The following MAP3K1 variants were observed in gnomAD, a reference collection of about 807,000 sequenced individuals.
MAP3K1 encodes mitogen-activated protein kinase kinase kinase 1, also known as MAP/ERK kinase kinase 1.
MAP3K1 carries 36 observed loss-of-function variants against 144.2 expected under a neutral mutation model. The observed-to-expected ratio is 0.25, with a 90% confidence interval of 0.19 to 0.33. The LOEUF (loss-of-function observed/expected upper bound fraction) is 0.33. Ranked by LOEUF, MAP3K1 falls within the 10% of genes least tolerant of loss-of-function variation. MAP3K1 has a pLI of 1.00. For synonymous variants in MAP3K1, 718 were observed against 688.7 expected (o/e 1.04, Z -0.67); for missense variants, 1,650 against 1,881.9 (o/e 0.88, Z 2.28).
intron 1 of MAP3K1, among the ~76,000 whole-genome samples, chr5:56,837,150 T>C (rs1746679566): frequency 6.6e-6 from 1 of 151,246 alleles, no homozygotes; most frequent in African/African-American, 2.4e-5. Flanking sequence ...CTAGTTCCCT[T>C]TCTTCCTCTT....
At chr5:56,818,800 C>A (rs1488281395) in intron 1 of MAP3K1, among the ~76,000 whole-genome samples, 1 of 152,166 alleles carries the variant, frequency 6.6e-6, no homozygotes, top group African/African-American at 2.4e-5. Context: ...CGTGAAAGAA[C>A]AAGATATGCT....
intron 16 of MAP3K1, 138 bp from the exon 17 acceptor site, chr5:56,885,794 T>A: frequency 4.2e-6 from 3 of 708,232 alleles, no homozygotes; most frequent in Non-Finnish European, 7.3e-6. Flanking sequence ...GATACAGGAA[T>A]ATGTTAGTTT....
At chr5:56,827,355 C>T (rs1746350891) in intron 1 of MAP3K1, among the ~76,000 whole-genome samples, 1 of 152,176 alleles carries the variant, frequency 6.6e-6, no homozygotes, top group African/African-American at 2.4e-5. Flanking sequence ...GGTCAGGAGG[C>T]CCCAAGAAGG....
intron 18 of MAP3K1, 100 bp downstream of exon 18, chr5:56,887,620 C>A (rs1256492114): frequency 7.8e-6 from 10 of 1,279,186 alleles, no homozygotes; most frequent in Admixed American, 5.0e-5. Context: ...TATGTACTTA[C>A]CAACTAGAAG....
chr5:56,891,156 C>CA (rs1748539767), intron 19 of MAP3K1, among the ~76,000 whole-genome samples: 5 of 132,840 alleles, frequency 3.8e-5, no homozygotes, highest in African/African-American at 1.4e-4. Flanking sequence ...ACACCCCCCC[C>CA]CCCCACACAC....
chr5:56,888,107 C>G, intron 18 of MAP3K1, 119 bp from the exon 19 acceptor site: 1 of 859,988 alleles, frequency 1.2e-6, no homozygotes, highest in South Asian at 1.4e-5. Context: ...AGGTAGTCCA[C>G]AGAATTCCTG....
chr5:56,831,424 TGA>T (rs1442967562), intron 1 of MAP3K1, among the ~76,000 whole-genome samples: 1 of 152,162 alleles, frequency 6.6e-6, no homozygotes, highest in Non-Finnish European at 1.5e-5. Context: ...GCAGATTCTA[TGA>T]GAGACGAAGA....
chr5:56,842,072 A>AT (rs1046739113), intron 1 of MAP3K1: 1 of 152,174 alleles, frequency 6.6e-6, no homozygotes, highest in African/African-American at 2.4e-5. Context: ...TTGGATGTGT[A>AT]TTTTTTAAAG....
Position 56,815,827 on chromosome 5 carries a change from C to A in MAP3K1, c.254C>A (p.Pro85Gln). The change falls in exon 1 of 20, where the codon CCG (proline) becomes CAG (glutamine). Residue 85 changes from proline to glutamine, a missense_variant. Transcript: ENST00000399503. ...EQPLFLAASP[P>Q]ASSTSPSPEP... is the part of the protein sequence containing the mutation. The stretch of plus-strand genomic sequence containing the variant: ...CCGCTCTTCCTTGCCGCCTCACCGC[C>A]GGCCTCCTCGACTTCCCCGTCGCCG... The A allele has an allele frequency of 1.4e-6, 2 of 1,416,898 alleles. No homozygotes were observed. The highest frequency in any genetic ancestry group is 1.8e-6 in the Non-Finnish European group (2 of 1,081,780). The allele number at this position is 1,416,898 out of a possible 1,614,324, so 87.8% of individuals were successfully genotyped here. A position where few individuals can be genotyped will look rare whatever the true frequency, so the allele number is the denominator to read the frequency against.
chr5:56,865,600 CTCA>C (rs1211692757), intron 5 of MAP3K1, 144 bp downstream of exon 5: 1 of 687,118 alleles, frequency 1.5e-6, no homozygotes, highest in Admixed American at 2.6e-5. Flanking sequence ...ATAAATAGTT[CTCA>C]TGAGATATTT....
At chr5:56,843,647 C>T (rs1746884911) in intron 1 of MAP3K1, among the ~76,000 whole-genome samples, 1 of 152,150 alleles carries the variant, frequency 6.6e-6, no homozygotes, top group African/African-American at 2.4e-5. Context: ...ACTCTGGCCT[C>T]TGCTAGTGGT....
intron 17 of MAP3K1, 99 bp downstream of exon 17, chr5:56,886,162 G>A (rs1748373182): frequency 2.1e-6 from 2 of 948,072 alleles, no homozygotes; most frequent in Non-Finnish European, 3.3e-6. Flanking sequence ...CCAGTACTTT[G>A]GGAGGTGAAG....
In MAP3K1 at chr5:56,858,628, T is replaced by A. The variant is rs1747409991; in HGVS notation, c.634-1087T>A. ...AACATAAAGGGTAAATATCTCCAAATGGGAAAATTAGACTTATACATAATA... is the reference window on the plus strand; with the variant it reads ...AACATAAAGGGTAAATATCTCCAAAAGGGAAAATTAGACTTATACATAATA... On this transcript the variant is annotated intron_variant, in intron 2 of 19. Coordinates refer to ENST00000399503, the MANE Select transcript of MAP3K1 (RefSeq NM_005921.2). Among the ~76,000 whole-genome samples the A allele has an allele frequency of 3.3e-5, 5 of 152,172 alleles. 1 individual carries two copies. The South Asian group carries it at 1.0e-3, about 32-fold the overall frequency.
chr5:56,832,382 C>T (rs1287427434), intron 1 of MAP3K1, among the ~76,000 whole-genome samples: 2 of 152,230 alleles, frequency 1.3e-5, no homozygotes, highest in Admixed American at 6.5e-5. Flanking sequence ...TCCTAGTTCA[C>T]TGTCACTCTC....
At chr5:56,878,883 G>T in intron 10 of MAP3K1, 97 bp from the exon 11 acceptor site, 1 of 1,026,334 alleles carries the variant, frequency 9.7e-7, no homozygotes, top group African/African-American at 1.6e-5. Flanking sequence ...ATCCATTCCT[G>T]TCTACTTATT....
intron 19 of MAP3K1, among the ~76,000 whole-genome samples, chr5:56,890,862 A>G (rs1374274847): frequency 6.6e-6 from 1 of 151,572 alleles, no homozygotes; most frequent in East Asian, 1.9e-4. Flanking sequence ...GCCTGGGCAT[A>G]GCGAGACCCC....
At chr5:56,834,837 T>C (rs1263673087) in intron 1 of MAP3K1, among the ~76,000 whole-genome samples, 1 of 152,062 alleles carries the variant, frequency 6.6e-6, no homozygotes, top group Non-Finnish European at 1.5e-5. Flanking sequence ...ATGATTTTGT[T>C]GTGTATATTT....
chr5:56,876,238 A>G (rs1336164875), intron 10 of MAP3K1, among the ~76,000 whole-genome samples: 2 of 152,140 alleles, frequency 1.3e-5, no homozygotes, highest in African/African-American at 2.4e-5. Flanking sequence ...GCCTCTACCC[A>G]TTAGATACCA....
At chr5:56,843,731 C>T (rs563963504) in intron 1 of MAP3K1, among the ~76,000 whole-genome samples, 11 of 152,120 alleles carry the variant, frequency 7.2e-5, no homozygotes, top group Non-Finnish European at 1.3e-4. Context: ...CTACCCATCT[C>T]GCTGGCTGTC....
Sources: allele counts gnomAD v4.1 joint callset (sites outside exome capture counted in the v4.1 genomes callset), GRCh38; gene constraint gnomAD v4.1.1; transcripts MANE v1.5; gene names NCBI Gene and HGNC (gene_info 2026-07-23, HGNC 2026-07-21).